The following EFR3A variants were observed in gnomAD, a reference collection of about 807,000 sequenced individuals.
EFR3A encodes EFR3 homolog A.
Under a neutral mutation model 104.4 loss-of-function variants are expected in EFR3A, and 76 were observed. The observed-to-expected ratio is 0.73, with a 90% CI of 0.60 to 0.88. The LOEUF is 0.88. Among genes scored for constraint, EFR3A ranks in the 40% least tolerant of loss-of-function variants. The pLI, the probability that EFR3A is intolerant of heterozygous loss-of-function variation, is 0.00. For missense variants in EFR3A, 985 were observed against 1,012.5 expected (o/e 0.97, Z 0.37); for synonymous variants, 330 against 330.0 (o/e 1.00, Z 0.00).
In EFR3A at chr8:131,918,933, A is replaced by G. The variant is rs571534352; in HGVS notation, c.10+14611A>G. 8.5e-5 allele frequency among the ~76,000 whole-genome samples: 13 copies of G among 152,354 alleles called. No individual in the cohort carries two copies. In the East Asian group the frequency reaches 2.3e-3, roughly 27 times the overall value. ...GAGGACTTTTAATTAAAGTAACTCA[A>G]ACCAACTTGGTTAGCTAAGAAAGAT... On this transcript the variant is annotated intron_variant, in intron 1 of 22. Coordinates refer to ENST00000254624, the MANE Select transcript of EFR3A (RefSeq NM_015137.6).
intron 19 of EFR3A, among the ~76,000 whole-genome samples, chr8:131,999,229 T>C (rs1024092263): frequency 6.6e-6 from 1 of 152,170 alleles, no homozygotes; most frequent in African/African-American, 2.4e-5. Context: ...TGTTGTTTTT[T>C]CTATTACAAA....
intron 22 of EFR3A, among the ~76,000 whole-genome samples, chr8:132,005,876 A>C (rs1355280665): frequency 6.6e-6 from 1 of 152,188 alleles, no homozygotes; most frequent in East Asian, 1.9e-4. Context: ...TAGCAAGTGT[A>C]AGTAAATGTC....
chr8:131,983,631 C>A (rs1298114060), intron 14 of EFR3A, among the ~76,000 whole-genome samples: 1 of 152,020 alleles, frequency 6.6e-6, no homozygotes, highest in African/African-American at 2.4e-5. Context: ...TTTAGACTCG[C>A]CTTCAGGGAC....
In EFR3A at chr8:132,003,237, C is replaced by T; in HGVS notation, c.2312C>T (p.Ala771Val). The change falls in exon 22 of 23, where the codon GCA becomes GTA. Residue 771 changes from alanine (A) to valine (V), a missense_variant and splice_region_variant. Coordinates refer to ENST00000254624, the MANE Select transcript of EFR3A (RefSeq NM_015137.6). Reference sequence around the variant, plus strand: ...TTAACATTTTTTTCTTTTTTGCAGGCAAATTTGCTTCATGATAGACTTGCC... The same window carrying T: ...TTAACATTTTTTTCTTTTTTGCAGGTAAATTTGCTTCATGATAGACTTGCC... ...EEIAAQCESK[A>V]NLLHDRLAQI... 1 of 1,611,366 alleles carries T rather than the reference C, an allele frequency of 6.2e-7. No individual in the cohort carries two copies. The highest frequency in any genetic ancestry group is 8.5e-7 in the Non-Finnish European group (1 of 1,178,668).
chr8:131,910,461 T>C (rs189616475), intron 1 of EFR3A, among the ~76,000 whole-genome samples: 37 of 152,238 alleles, frequency 2.4e-4, no homozygotes, highest in Non-Finnish European at 7.4e-5. Context: ...TGAGTAGAGA[T>C]GGGGTTTCAC....
At position 131,954,159 on chromosome 8, in the gene EFR3A, A is replaced by G. The variant is rs897103651; in HGVS notation, c.638+192A>G. ...GATCACATTAGGCTTAGCAGACTACAGATTATTATTCATACACTTAAGCCT... is the reference window on the plus strand; with the variant it reads ...GATCACATTAGGCTTAGCAGACTACGGATTATTATTCATACACTTAAGCCT... On this transcript the variant is annotated intron_variant, in intron 6 of 22. Transcript: ENST00000254624. Among the ~76,000 whole-genome samples, 23 of 152,270 alleles carry G rather than the reference A, an allele frequency of 1.5e-4. No homozygotes were observed. The Middle Eastern group carries it at 0.01, about 68-fold the overall frequency.
intron 1 of EFR3A, among the ~76,000 whole-genome samples, chr8:131,915,483 G>A (rs1381677766): frequency 2.0e-5 from 3 of 152,290 alleles, no homozygotes; most frequent in Non-Finnish European, 1.5e-5. Flanking sequence ...ACTGCTGGCT[G>A]GAGAATACAG....
At chr8:131,960,600 T>G (rs1819262008) in intron 8 of EFR3A, among the ~76,000 whole-genome samples, 1 of 152,224 alleles carries the variant, frequency 6.6e-6, no homozygotes, top group South Asian at 2.1e-4. Context: ...TTTGAGTGTT[T>G]TAGTTACCAT....
chr8:131,957,084 C>G (rs1227775473), intron 7 of EFR3A, among the ~76,000 whole-genome samples: 1 of 152,012 alleles, frequency 6.6e-6, no homozygotes. Context: ...CTTAAAATTT[C>G]TGATCATGTA....
At chr8:131,917,678 GTTTATC>G (rs199885453) in intron 1 of EFR3A, among the ~76,000 whole-genome samples, 1,910 of 152,294 alleles carry the variant, frequency 0.013, 13 homozygotes, top group Middle Eastern at 0.024. Context: ...AGTAGATTAA[GTTTATC>G]TTTATAGTTG....
intron 10 of EFR3A, among the ~76,000 whole-genome samples, chr8:131,972,880 T>G (rs1820145874): frequency 1.3e-5 from 2 of 152,074 alleles, no homozygotes; most frequent in Admixed American, 1.3e-4. Flanking sequence ...GTCATCTTGT[T>G]TTTGAAGTTT....
chr8:131,932,749 A>G (rs1318997610), intron 1 of EFR3A, among the ~76,000 whole-genome samples: 2 of 152,104 alleles, frequency 1.3e-5, no homozygotes, highest in Non-Finnish European at 2.9e-5. Context: ...GTTTCCCTAC[A>G]AATATAGGGA....
At chr8:131,961,325 C>T (rs1345194863) in intron 8 of EFR3A, among the ~76,000 whole-genome samples, 7 of 152,084 alleles carry the variant, frequency 4.6e-5, no homozygotes, top group Admixed American at 4.6e-4. Context: ...AAAGATTAGA[C>T]AAATGGCTAA....
intron 14 of EFR3A, among the ~76,000 whole-genome samples, chr8:131,981,021 TTA>T (rs762282805): frequency 5.6e-4 from 71 of 125,878 alleles, no homozygotes; most frequent in Admixed American, 7.4e-4. Context: ...GTATTTCATT[TTA>T]TATATATATA....
Position 131,970,701 on chromosome 8 carries a change from A to G in EFR3A, c.1159+58A>G, listed in dbSNP as rs1177644182. ...TAAAACAGTGATTTACAAAGCTCTCACATAAGGTCCTGGACTATTATAGTA... is the reference window on the plus strand; with the variant it reads ...TAAAACAGTGATTTACAAAGCTCTCGCATAAGGTCCTGGACTATTATAGTA... On this transcript the variant is annotated intron_variant, in intron 10 of 22. Coordinates refer to ENST00000254624, the MANE Select transcript of EFR3A (RefSeq NM_015137.6). 26 of 1,500,594 alleles carry G rather than the reference A, an allele frequency of 1.7e-5. No individual in the cohort carries two copies. The South Asian group carries it at 2.4e-4, about 14-fold the overall frequency. 93.0% of individuals were successfully genotyped at this position (1,500,594 alleles called of 1,614,324 possible). A position where few individuals can be genotyped will look rare whatever the true frequency, so the allele number is the denominator to read the frequency against.
At chr8:131,979,298 G>A in intron 13 of EFR3A, 48 bp from the exon 14 acceptor site, 3 of 1,331,522 alleles carry the variant, frequency 2.3e-6, no homozygotes, top group African/African-American at 1.5e-5. Context: ...ATGTGATATT[G>A]TAAATAAGTG....
At chr8:131,926,887 T>G (rs1231863291) in intron 1 of EFR3A, among the ~76,000 whole-genome samples, 1 of 152,216 alleles carries the variant, frequency 6.6e-6, no homozygotes, top group African/African-American at 2.4e-5. Context: ...TATAACTGAT[T>G]GCAACTTATA....
At chr8:132,008,518 A>T (rs895460753) in intron 22 of EFR3A, among the ~76,000 whole-genome samples, 6 of 151,722 alleles carry the variant, frequency 4.0e-5, no homozygotes, top group African/African-American at 1.5e-4. Flanking sequence ...TTTGGGGTAA[A>T]TCTGAAAAAC....
In EFR3A at chr8:131,990,456, T is replaced by A. The variant is rs145030328; in HGVS notation, c.2065+2754T>A. Among the ~76,000 whole-genome samples, 164 of 152,098 alleles carry A rather than the reference T, an allele frequency of 1.1e-3. No homozygotes were observed. The Middle Eastern group carries it at 0.014, about 13-fold the overall frequency. On this transcript the variant is annotated intron_variant, in intron 18 of 22. Coordinates refer to ENST00000254624, the MANE Select transcript of EFR3A (RefSeq NM_015137.6). ...CTGTGCTTCATATGGTAGTAACACA[T>A]GTGTGAAGGAATGAGGTAGGCAAGA...
Sources: allele counts gnomAD v4.1 joint callset (sites outside exome capture counted in the v4.1 genomes callset), GRCh38; gene constraint gnomAD v4.1.1; transcripts MANE v1.5; gene names NCBI Gene and HGNC (gene_info 2026-07-23, HGNC 2026-07-21).